LRP4: variants seen among roughly 807,000 people sequenced by gnomAD.
The protein encoded by LRP4 is low-density lipoprotein receptor-related protein 4.
A neutral mutation model predicts 220.3 loss-of-function variants in LRP4; 95 were observed. The observed-to-expected ratio is 0.43, with a 90% CI of 0.37 to 0.51. The LOEUF (loss-of-function observed/expected upper bound fraction) is 0.51, where lower values mean the gene tolerates loss of function less well. LRP4 is among the 20% of genes least tolerant of loss of function. The pLI, the probability that LRP4 is intolerant of heterozygous loss-of-function variation, is 0.00. For synonymous variants in LRP4, 903 were observed against 954.6 expected (o/e 0.95, Z 1.00); for missense variants, 1,925 against 2,567.0 (o/e 0.75, Z 5.40).
chr11:46,899,258 G>C lies in LRP4; in HGVS notation c.547+129C>G, dbSNP rs928110278. The C allele has an allele frequency of 8.6e-6, 8 of 931,386 alleles. No individual in the cohort carries two copies. Among genetic ancestry groups the C allele is most frequent in the African/African-American group, 1.6e-5 (1 of 62,146 alleles). 57.7% of individuals were successfully genotyped at this position (931,386 alleles called of 1,614,324 possible). On this transcript the variant is annotated intron_variant, in intron 5 of 37. Transcript: ENST00000378623. This position sits in a 1 kb window ranked among gnomAD's most constrained non-coding sequence, Gnocchi z 5.9. ...TTGCTCCCTCCCTAGCTCAGCCTAG[G>C]AGGAGCTGCTGCTGAGGCACCCATG...
intron 32 of LRP4, 123 bp from the exon 33 acceptor site, chr11:46,868,836 A>T (rs1940777381): frequency 7.8e-7 from 1 of 1,279,354 alleles, no homozygotes; most frequent in Admixed American, 1.8e-5. Flanking sequence ...GAGGAGAGAT[A>T]CAACCGCGAG....
At chr11:46,889,340 T>G (rs1263542488) in intron 16 of LRP4, 71 bp downstream of exon 16, 62 of 1,598,074 alleles carry the variant, frequency 3.9e-5, no homozygotes, top group Non-Finnish European at 5.2e-5. Context: ...TCCCTCCACG[T>G]CCTATCCCTT....
chr11:46,871,296 T>C (rs1317098025), intron 31 of LRP4, among the ~76,000 whole-genome samples: 1 of 152,120 alleles, frequency 6.6e-6, no homozygotes, highest in African/African-American at 2.4e-5. Flanking sequence ...ATACCACTCT[T>C]TGAGAGCCAC....
At chr11:46,880,087 A>G (rs998563401) in intron 20 of LRP4, among the ~76,000 whole-genome samples, 2 of 152,246 alleles carry the variant, frequency 1.3e-5, no homozygotes, top group Admixed American at 1.3e-4. Flanking sequence ...TCTGGGCGAC[A>G]GAGCAAGACT....
Position 46,873,533 on chromosome 11 carries a change from A to T in LRP4, c.4290T>A (p.Thr1430=). Residue 1430 remains threonine (T), a synonymous_variant, in exon 29 of 38, where the codon ACT becomes ACA. Coordinates refer to ENST00000378623, the MANE Select transcript of LRP4 (RefSeq NM_002334.4). This position sits in a 1 kb window ranked among gnomAD's most constrained non-coding sequence, Gnocchi z 4.2. ...CCACCCAGTCCACTGCCAGCCCGTCAGTGGTCTTCAGCCCTCGCCCGATCA... is the reference window on the plus strand; with the variant it reads ...CCACCCAGTCCACTGCCAGCCCGTCTGTGGTCTTCAGCCCTCGCCCGATCA... The part of the protein sequence containing the change: ...ETVIGRGLKT[T]DGLAVDWVAR... 1 of 1,614,194 alleles carries T rather than the reference A, an allele frequency of 6.2e-7. No homozygotes were observed. The highest frequency in any genetic ancestry group is 8.5e-7 in the Non-Finnish European group (1 of 1,180,030).
chr11:46,883,595 T>C (rs528440859), intron 19 of LRP4, among the ~76,000 whole-genome samples: 38 of 152,344 alleles, frequency 2.5e-4, no homozygotes, highest in African/African-American at 8.9e-4. Context: ...AAATCTCTGT[T>C]GGGGGCTCTC....
At chr11:46,882,044 T>A in intron 19 of LRP4, 141 bp from the exon 20 acceptor site, 1 of 772,752 alleles carries the variant, frequency 1.3e-6, no homozygotes, top group Non-Finnish European at 2.3e-6. Context: ...AGCCCAGCTC[T>A]GGGCTCAGCA....
chr11:46,897,461 G>C (rs987091121), intron 7 of LRP4, among the ~76,000 whole-genome samples: 2 of 150,068 alleles, frequency 1.3e-5, no homozygotes, highest in Non-Finnish European at 3.0e-5. Context: ...GTGGAGGGAA[G>C]GTCAGCAGAT....
rs564151976 is a variant in LRP4 at position 46,909,771 on chromosome 11, C to T, written c.53-6842G>A. Among the ~76,000 whole-genome samples, 161 of 152,036 alleles carry T rather than the reference C, an allele frequency of 1.1e-3. 2 individuals are homozygous for T. The highest frequency in any genetic ancestry group is 5.0e-3 in the South Asian group (24 of 4,812). ...AATGAATGAAACACTCCTCTAGAAT[C>T]TTGTGAAAGCTGGAGTCAAAGGAAA... is the stretch of plus-strand genomic sequence containing the variant. On this transcript the variant is annotated intron_variant, in intron 1 of 37. Transcript: ENST00000378623.
At chr11:46,907,429 C>T (rs545694269) in intron 1 of LRP4, among the ~76,000 whole-genome samples, 3 of 152,246 alleles carry the variant, frequency 2.0e-5, no homozygotes, top group Admixed American at 1.3e-4. Context: ...CACTTTCTCA[C>T]GGCTTTCATA....
At chr11:46,898,805 C>T in intron 6 of LRP4, 99 bp downstream of exon 6, 1 of 1,605,022 alleles carries the variant, frequency 6.2e-7, no homozygotes, top group Non-Finnish European at 8.5e-7. Context: ...TCCAGAAACT[C>T]CTCTCTGAAC....
intron 1 of LRP4, among the ~76,000 whole-genome samples, chr11:46,909,611 C>CGAAAAAAAAAA (rs768024410): frequency 2.2e-5 from 1 of 46,096 alleles, no homozygotes; most frequent in Non-Finnish European, 3.6e-5. Context: ...GACTCCGTCT[C>CGAAAAAAAAAA]AAAAAAAAAA....
intron 1 of LRP4, among the ~76,000 whole-genome samples, chr11:46,905,108 G>A (rs537431254): frequency 5.9e-5 from 9 of 152,112 alleles, no homozygotes; most frequent in South Asian, 4.2e-4. Flanking sequence ...CTGTCTCTTC[G>A]GGTCTCTCTA....
chr11:46,863,370 T>A (rs1940607736), intron 36 of LRP4, among the ~76,000 whole-genome samples: 1 of 152,152 alleles, frequency 6.6e-6, no homozygotes, highest in Non-Finnish European at 1.5e-5. Context: ...ACTGATGCAC[T>A]GAGCTTTAGA....
intron 18 of LRP4, among the ~76,000 whole-genome samples, chr11:46,884,222 TGA>T (rs1941228960): frequency 6.6e-6 from 1 of 152,256 alleles, no homozygotes; most frequent in Admixed American, 6.5e-5. Flanking sequence ...TTTAAGGCGA[TGA>T]TTCTCAAACT....
rs546660220 is a variant in LRP4, at chr11:46,858,612, G to A, written c.*371C>T. 6.3e-4 allele frequency: 221 copies of A among 349,356 alleles called. 2 individuals carry two copies. Among genetic ancestry groups the A allele is most frequent in the South Asian group, 4.6e-3 (191 of 41,914 alleles). The allele number at this position is 349,356 out of a possible 1,614,324, so 21.6% of individuals were successfully genotyped here. On this transcript the variant is annotated 3_prime_UTR_variant, in exon 38 of 38. Transcript: ENST00000378623. ...CATGCTGGCTGTGATGGGGCAGAGC[G>A]CAGTCCTGGGTCATCAGCTGCATCA...
At chr11:46,900,719 G>A (rs368904786) in intron 2 of LRP4, among the ~76,000 whole-genome samples, 1 of 151,516 alleles carries the variant, frequency 6.6e-6, no homozygotes, top group African/African-American at 2.4e-5. Context: ...TCAAACCCCC[G>A]ACCTCAGGTG....
intron 1 of LRP4, among the ~76,000 whole-genome samples, chr11:46,909,372 C>T (rs1009868442): frequency 4.9e-5 from 7 of 143,564 alleles, no homozygotes; most frequent in South Asian, 2.3e-4. Context: ...TTTGGGAGGC[C>T]GAGGCGGGTG....
Position 46,879,262 on chromosome 11 carries a change from C to G in LRP4, c.2868G>C (p.Glu956Asp). 6.2e-7 allele frequency: 1 copy of G among 1,614,234 alleles called. No individual in the cohort carries two copies. The highest frequency in any genetic ancestry group is 1.6e-4 in the Middle Eastern group (1 of 6,062). The change falls in exon 21 of 38, where the codon GAG becomes GAC. Residue 956 changes from glutamate to aspartate, a missense_variant. By Grantham distance (45) the Glu-to-Asp change is conservative (BLOSUM62 2). Coordinates refer to ENST00000378623, the MANE Select transcript of LRP4 (RefSeq NM_002334.4). ...TCTGCCAGTCAGTCCAATAGATGCGCTCTCCATAGAGGGTCAGCCCAAATG... is the reference window on the plus strand; with the variant it reads ...TCTGCCAGTCAGTCCAATAGATGCGGTCTCCATAGAGGGTCAGCCCAAATG... ...PHPFGLTLYG[E>D]RIYWTDWQTK...
Sources: allele counts gnomAD v4.1 joint callset (sites outside exome capture counted in the v4.1 genomes callset), GRCh38; gene constraint gnomAD v4.1.1; non-coding constraint Gnocchi (gnomAD v3.1); transcripts MANE v1.5; gene names NCBI Gene and HGNC (gene_info 2026-07-23, HGNC 2026-07-21).